Variants in EYS observed in about 807,000 individuals in gnomAD.
EYS encodes the protein protein eyes shut homolog.
In EYS, 250 loss-of-function variants were observed where a neutral mutation model predicts 282.1. The observed-to-expected ratio is 0.89, with a 90% CI of 0.80 to 0.98. The LOEUF is 0.98. Ranked by LOEUF, EYS falls within the 50% of genes least tolerant of loss-of-function variation. EYS has a pLI of 0.00. For missense variants in EYS, 4,016 were observed against 3,709.0 expected (o/e 1.08, Z -2.15); for synonymous variants, 1,355 against 1,282.9 (o/e 1.06, Z -1.20).
At chr6:64,241,697 G>T (rs1057041879) in intron 30 of EYS, among the ~76,000 whole-genome samples, 3 of 150,652 alleles carry the variant, frequency 2.0e-5, no homozygotes, top group African/African-American at 7.3e-5. Flanking sequence ...TTCTCCTTCA[G>T]TTCTGCTCTG....
At chr6:64,744,784 A>G (rs893211717) in intron 22 of EYS, among the ~76,000 whole-genome samples, 2 of 152,152 alleles carry the variant, frequency 1.3e-5, no homozygotes, top group African/African-American at 4.8e-5. Flanking sequence ...TAAATTTAAA[A>G]AGTAGAGAAA....
intron 9 of EYS, among the ~76,000 whole-genome samples, chr6:65,350,626 G>A (rs1770562823): frequency 6.6e-6 from 1 of 151,520 alleles, no homozygotes; most frequent in Non-Finnish European, 1.5e-5. Flanking sequence ...CTTTTCTTAA[G>A]CATGATTCAT....
At chr6:64,058,713 T>C (rs1391279363) in intron 33 of EYS, among the ~76,000 whole-genome samples, 1 of 152,198 alleles carries the variant, frequency 6.6e-6, no homozygotes, top group Non-Finnish European at 1.5e-5. Flanking sequence ...CCCTAAGTCT[T>C]CATTTGTTTC....
chr6:65,667,122 C>A (rs186103569), intron 1 of EYS, among the ~76,000 whole-genome samples: 1 of 151,728 alleles, frequency 6.6e-6, no homozygotes, highest in Non-Finnish European at 1.5e-5. Context: ...ATCTCTTGCT[C>A]TGACTACTGC....
chr6:64,591,578 C>T lies in EYS; in HGVS notation c.4289G>A (p.Ser1430Asn), dbSNP rs1388575414. 3.2e-6 allele frequency: 5 copies of T among 1,551,120 alleles called. No individual in the cohort carries two copies. The highest frequency in any genetic ancestry group is 4.4e-6 in the Non-Finnish European group (5 of 1,146,764). ...SATPTTSVIR[S>N]IPGADIELNR... ...TAGCTCAATATCAGCCCCTGGAATG[C>T]TTCTAATTACTGAAGTCGTTGGGGT... is the stretch of plus-strand genomic sequence containing the variant. Residue 1430 changes from serine (S) to asparagine (N), a missense_variant, in exon 26 of 43, where the codon AGC (serine) becomes AAC (asparagine). By Grantham distance (46) the Ser-to-Asn change is conservative. Transcript: ENST00000503581.
At chr6:65,439,145 G>T (rs1414166926) in intron 5 of EYS, among the ~76,000 whole-genome samples, 1 of 152,146 alleles carries the variant, frequency 6.6e-6, no homozygotes, top group African/African-American at 2.4e-5. Flanking sequence ...TGTCAGGTTT[G>T]TCAAATTCAG....
chr6:64,193,861 T>C (rs1582408414), intron 31 of EYS, among the ~76,000 whole-genome samples: 1 of 152,216 alleles, frequency 6.6e-6, no homozygotes, highest in Admixed American at 6.5e-5. Flanking sequence ...TAGTATTCCA[T>C]GGTGTATATG....
chr6:64,653,640 C>T (rs1768643426), intron 22 of EYS, among the ~76,000 whole-genome samples: 1 of 152,022 alleles, frequency 6.6e-6, no homozygotes, highest in South Asian at 2.1e-4. Context: ...CTGTGGCTCA[C>T]TGCAGCCTCA....
At position 63,721,480 on chromosome 6, in the gene EYS, C is replaced by A; in HGVS notation, c.8551G>T (p.Val2851Phe). ...PVGFQGCIRQVIINNQELQLT... is the reference protein window; with the variant it reads ...PVGFQGCIRQFIINNQELQLT... ...TGTAATTCTTGATTATTTATGATAA[C>A]TTGTCGGATACAGCCTTGAAAACCT... The change falls in exon 43 of 43, where the codon GTT becomes TTT. Residue 2851 changes from valine to phenylalanine, a missense_variant. Val to Phe is a conservative substitution (Grantham distance 50). Coordinates refer to ENST00000503581, the MANE Select transcript of EYS (RefSeq NM_001142800.2). The A allele has an allele frequency of 6.4e-7, 1 of 1,551,636 alleles. No individual in the cohort carries two copies. Among genetic ancestry groups the A allele is most frequent in the Non-Finnish European group, 8.7e-7 (1 of 1,146,890 alleles).
intron 28 of EYS, among the ~76,000 whole-genome samples, chr6:64,428,713 A>G (rs1341719043): frequency 6.6e-6 from 1 of 152,202 alleles, no homozygotes; most frequent in African/African-American, 2.4e-5. Flanking sequence ...TGGCAGAAAT[A>G]AGCCAATTAT....
chr6:63,950,285 A>G (rs1373822281), intron 35 of EYS, among the ~76,000 whole-genome samples: 1 of 152,164 alleles, frequency 6.6e-6, no homozygotes, highest in Non-Finnish European at 1.5e-5. Context: ...AAGTATCTGA[A>G]GAATCACAAA....
intron 12 of EYS, among the ~76,000 whole-genome samples, chr6:65,284,084 C>T (rs1019004981): frequency 6.6e-6 from 1 of 152,094 alleles, no homozygotes; most frequent in African/African-American, 2.4e-5. Flanking sequence ...TGCTTTCTCA[C>T]CTGCCAAGAA....
At chr6:64,138,433 AAGAT>A (rs1470383068) in intron 31 of EYS, among the ~76,000 whole-genome samples, 1 of 152,144 alleles carries the variant, frequency 6.6e-6, no homozygotes, top group East Asian at 1.9e-4. Context: ...AATTCACACA[AAGAT>A]AGGGCATTCA....
intron 30 of EYS, among the ~76,000 whole-genome samples, chr6:64,269,698 G>C (rs1033188157): frequency 1.3e-5 from 2 of 151,742 alleles, no homozygotes; most frequent in African/African-American, 4.8e-5. Context: ...CTTAATTTTT[G>C]ACACTACTAT....
At chr6:64,769,938 T>C (rs896331775) in intron 22 of EYS, among the ~76,000 whole-genome samples, 2 of 152,116 alleles carry the variant, frequency 1.3e-5, no homozygotes, top group South Asian at 2.1e-4. Flanking sequence ...GATATGTATA[T>C]ATATACACAC....
intron 29 of EYS, among the ~76,000 whole-genome samples, chr6:64,328,319 A>G (rs1770505961): frequency 6.6e-6 from 1 of 152,220 alleles, no homozygotes; most frequent in African/African-American, 2.4e-5. Flanking sequence ...GGCAGTATGC[A>G]CAACAAGCAC....
chr6:63,984,510 G>T lies in EYS; in HGVS notation c.6928C>A (p.Leu2310Ile), dbSNP rs1470569799. 11 of 1,549,440 alleles carry T rather than the reference G, an allele frequency of 7.1e-6. No homozygotes were observed. The highest frequency in any genetic ancestry group is 6.0e-5 in the South Asian group (5 of 84,030). ...TCTTTGTTGTTTACTTGAAGGTCTAGAATGCAGCCCCTGAACCCATAAACA... is the reference window on the plus strand; with the variant it reads ...TCTTTGTTGTTTACTTGAAGGTCTATAATGCAGCCCCTGAACCCATAAACA... ...GPVYGFRGCI[L>I]DLQVNNKEFF... Residue 2310 changes from leucine to isoleucine, a missense_variant, in exon 35 of 43, where the codon CTA becomes ATA. Transcript: ENST00000503581.
At chr6:63,811,841 G>A (rs1771054798) in intron 36 of EYS, among the ~76,000 whole-genome samples, 1 of 152,026 alleles carries the variant, frequency 6.6e-6, no homozygotes, top group Non-Finnish European at 1.5e-5. Context: ...ATCCTTAAAT[G>A]GTATCTTTCT....
chr6:64,592,056 G>C, intron 25 of EYS, 67 bp from the exon 26 acceptor site: 1 of 1,210,594 alleles, frequency 8.3e-7, no homozygotes, highest in Non-Finnish European at 1.1e-6. Flanking sequence ...TTGGCACTGG[G>C]ATAAATCTCA....
Sources: allele counts gnomAD v4.1 joint callset (sites outside exome capture counted in the v4.1 genomes callset), GRCh38; gene constraint gnomAD v4.1.1; transcripts MANE v1.5; gene names NCBI Gene and HGNC (gene_info 2026-07-23, HGNC 2026-07-21).